NRG3: variants seen among roughly 807,000 people sequenced by gnomAD.
NRG3 encodes neuregulin 3, also known as pro-neuregulin-3, membrane-bound isoform.
In NRG3, 31 loss-of-function variants were observed where a neutral mutation model predicts 66.9. The ratio of observed to expected loss-of-function variants is 0.46; its 90% CI spans 0.35 to 0.63. The LOEUF (loss-of-function observed/expected upper bound fraction) is 0.63. NRG3 is among the 20% of genes least tolerant of loss of function. The pLI, the probability that NRG3 is intolerant of heterozygous loss-of-function variation, is 0.00. For missense variants in NRG3, 910 were observed against 878.9 expected (o/e 1.04, Z -0.45); for synonymous variants, 393 against 359.4 (o/e 1.09, Z -1.06).
At chr10:82,394,365 G>T (rs1412655180) in intron 2 of NRG3, among the ~76,000 whole-genome samples, 1 of 152,232 alleles carries the variant, frequency 6.6e-6, no homozygotes, top group African/African-American at 2.4e-5. Context: ...GCTCCCTCAT[G>T]TAATAGCTTG....
At chr10:81,906,431 C>T (rs1564647156) in intron 1 of NRG3, among the ~76,000 whole-genome samples, 1 of 152,242 alleles carries the variant, frequency 6.6e-6, no homozygotes, top group Admixed American at 6.5e-5. Context: ...TTGGAGAAGG[C>T]CTTTCTAAGG....
intron 1 of NRG3, among the ~76,000 whole-genome samples, chr10:81,895,612 T>C (rs1843442495): frequency 6.6e-6 from 1 of 152,216 alleles, no homozygotes. Flanking sequence ...ATACTCTTAA[T>C]GATGAGATTA....
At chr10:82,848,569 A>G (rs2063416231) in intron 3 of NRG3, among the ~76,000 whole-genome samples, 1 of 152,172 alleles carries the variant, frequency 6.6e-6, no homozygotes, top group African/African-American at 2.4e-5. Context: ...GGCTGAAATG[A>G]GTAAAGACTT....
At chr10:82,963,452 G>A (rs911645931) in intron 6 of NRG3, among the ~76,000 whole-genome samples, 1 of 152,150 alleles carries the variant, frequency 6.6e-6, no homozygotes, top group Non-Finnish European at 1.5e-5. Context: ...AGGCCGAGGC[G>A]GGTGGATCAC....
At chr10:82,571,439 C>T (rs541700789) in intron 2 of NRG3, among the ~76,000 whole-genome samples, 1 of 151,700 alleles carries the variant, frequency 6.6e-6, no homozygotes, top group Non-Finnish European at 1.5e-5. Flanking sequence ...TATTATACAT[C>T]ACTATTTGGA....
At position 82,011,334 on chromosome 10, in the gene NRG3, C is replaced by T. The variant is rs189188933; in HGVS notation, c.823+135171C>T. On this transcript the variant is annotated intron_variant, in intron 1 of 8. Coordinates refer to ENST00000372141, the MANE Select transcript of NRG3 (RefSeq NM_001010848.4). The stretch of plus-strand genomic sequence containing the variant: ...GAACAGTATGAGGACACCCACGCAG[C>T]GATTAAGTTATCTCCATCTGGCCCC... Among the ~76,000 whole-genome samples, 799 of 152,210 alleles carry T rather than the reference C, an allele frequency of 5.2e-3. 8 individuals are homozygous for T. Among genetic ancestry groups the T allele is most frequent in the African/African-American group, 0.018 (763 of 41,532 alleles).
Position 81,875,991 on chromosome 10 carries a change from T to A in NRG3, c.651T>A (p.Ser217Arg). 2 of 1,614,056 alleles carry A rather than the reference T, an allele frequency of 1.2e-6. No homozygotes were observed. The highest frequency in any genetic ancestry group is 3.3e-5 in the Admixed American group (2 of 60,030). Residue 217 changes from serine to arginine, a missense_variant, in exon 1 of 9, where the codon AGT becomes AGA. Physicochemically the swap from Ser to Arg is moderately radical, Grantham distance 110. Transcript: ENST00000372141. The surrounding 1 kb of genome is among the most constrained non-coding windows in gnomAD (Gnocchi z 5.3). Reference protein sequence around the residue: ...GSRPPVPGTPSTQAMPSWPTA... With the variant: ...GSRPPVPGTPRTQAMPSWPTA... Reference sequence around the variant, plus strand: ...GACCCCCGGTGCCAGGAACTCCAAGTACCCAGGCAATGCCCTCCTGGCCTA... The same window carrying A: ...GACCCCCGGTGCCAGGAACTCCAAGAACCCAGGCAATGCCCTCCTGGCCTA...
intron 5 of NRG3, among the ~76,000 whole-genome samples, chr10:82,954,455 A>C (rs771941978): frequency 1.1e-4 from 16 of 151,876 alleles, no homozygotes; most frequent in Non-Finnish European, 1.9e-4. Context: ...CATCAGATTC[A>C]TTAGGGTAGG....
At chr10:82,634,443 G>A (rs1345052956) in intron 2 of NRG3, among the ~76,000 whole-genome samples, 1 of 149,992 alleles carries the variant, frequency 6.7e-6, no homozygotes, top group Non-Finnish European at 1.5e-5. Flanking sequence ...GTGATCTTCA[G>A]AAGTTTAGAG....
intron 1 of NRG3, among the ~76,000 whole-genome samples, chr10:81,968,157 G>A (rs1238087555): frequency 6.6e-6 from 1 of 152,162 alleles, no homozygotes; most frequent in Non-Finnish European, 1.5e-5. Flanking sequence ...TTTTGTTTTG[G>A]GCAAGGAGAA....
chr10:81,957,443 A>C (rs923926904), intron 1 of NRG3, among the ~76,000 whole-genome samples: 2 of 152,158 alleles, frequency 1.3e-5, no homozygotes, highest in African/African-American at 4.8e-5. Flanking sequence ...TAAAATAGTC[A>C]GTGCTCCCAC....
chr10:82,942,193 G>A (rs981385804), intron 4 of NRG3, among the ~76,000 whole-genome samples: 1 of 152,150 alleles, frequency 6.6e-6, no homozygotes, highest in Non-Finnish European at 1.5e-5. Context: ...ATTTAGAACA[G>A]TTCCTGTTCC....
chr10:82,959,161 T>C, intron 6 of NRG3, 86 bp downstream of exon 6: 4 of 1,420,612 alleles, frequency 2.8e-6, no homozygotes, highest in South Asian at 1.6e-5. Flanking sequence ...ATCAGACTTG[T>C]AAATATTTTT....
intron 2 of NRG3, among the ~76,000 whole-genome samples, chr10:82,651,463 CTCTCTCAGG>C (rs1313339200): frequency 6.6e-6 from 1 of 152,216 alleles, no homozygotes; most frequent in Non-Finnish European, 1.5e-5. Flanking sequence ...CTGTTCTTTG[CTCTCTCAGG>C]TCATTCTGTC....
At chr10:82,776,578 A>G (rs1413604598) in intron 3 of NRG3, among the ~76,000 whole-genome samples, 1 of 151,986 alleles carries the variant, frequency 6.6e-6, no homozygotes, top group Admixed American at 6.6e-5. Context: ...TATTCACTTA[A>G]TGGTGTTTAA....
At chr10:81,979,748 A>G (rs2060266245) in intron 1 of NRG3, among the ~76,000 whole-genome samples, 1 of 152,220 alleles carries the variant, frequency 6.6e-6, no homozygotes, top group Non-Finnish European at 1.5e-5. Flanking sequence ...CAACTGCATT[A>G]CGGATTTACA....
intron 4 of NRG3, among the ~76,000 whole-genome samples, chr10:82,907,439 G>T (rs562543369): frequency 1.3e-5 from 2 of 152,050 alleles, no homozygotes; most frequent in Non-Finnish European, 2.9e-5. Context: ...CCTTTCTCAA[G>T]TCAGTTCACA....
At chr10:82,840,310 G>A (rs955647954) in intron 3 of NRG3, among the ~76,000 whole-genome samples, 2 of 152,016 alleles carry the variant, frequency 1.3e-5, no homozygotes, top group African/African-American at 2.4e-5. Flanking sequence ...ACTATTAATA[G>A]CATAATCTCA....
intron 1 of NRG3, among the ~76,000 whole-genome samples, chr10:82,314,677 G>A (rs2081204284): frequency 6.6e-6 from 1 of 152,122 alleles, no homozygotes; most frequent in African/African-American, 2.4e-5. Context: ...GGGCATGGTG[G>A]CGGGCGCCTG....
Sources: allele counts gnomAD v4.1 joint callset (sites outside exome capture counted in the v4.1 genomes callset), GRCh38; gene constraint gnomAD v4.1.1; non-coding constraint Gnocchi (gnomAD v3.1); transcripts MANE v1.5; gene names NCBI Gene and HGNC (gene_info 2026-07-23, HGNC 2026-07-21).